The following STAB2 variants were observed in gnomAD, a reference collection of about 807,000 sequenced individuals.
The protein encoded by STAB2 is stabilin 2.
In STAB2, 288 loss-of-function variants were observed where a neutral mutation model predicts 338.1. The observed-to-expected ratio is 0.85, with a 90% CI of 0.77 to 0.94. STAB2 has a LOEUF of 0.94. STAB2 is among the 40% of genes least tolerant of loss of function. The pLI is 0.00. For synonymous variants in STAB2, 1,202 were observed against 1,193.3 expected, an observed-to-expected ratio of 1.01 and a Z score of -0.15; for missense variants, 3,141 against 3,210.1, an observed-to-expected ratio of 0.98 and a Z score of 0.52.
intron 9 of STAB2, among the ~76,000 whole-genome samples, chr12:103,641,488 A>G (rs891348467): frequency 6.6e-6 from 1 of 152,188 alleles, no homozygotes; most frequent in African/African-American, 2.4e-5. Context: ...CCTTCAATAC[A>G]TGTGAATGCA....
chr12:103,708,034 C>G (rs1204417419), intron 38 of STAB2, among the ~76,000 whole-genome samples: 1 of 152,144 alleles, frequency 6.6e-6, no homozygotes, highest in Non-Finnish European at 1.5e-5. Context: ...GAAGCAGTGC[C>G]ACACCAGGCT....
At position 103,631,799 on chromosome 12, in the gene STAB2, C is replaced by G. The variant is rs1414844706; in HGVS notation, c.583+106C>G. 4 of 999,276 alleles carry G rather than the reference C, an allele frequency of 4.0e-6. No homozygotes were observed. In the African/African-American group the frequency reaches 6.5e-5, roughly 16 times the overall value. 61.9% of individuals were successfully genotyped at this position (999,276 alleles called of 1,614,324 possible). ...GGTTCTCTGCAGGGGCAAGGTACTACCAAAAGTTTTCTGGAAAGAAACTAG... is the reference window on the plus strand; with the variant it reads ...GGTTCTCTGCAGGGGCAAGGTACTAGCAAAAGTTTTCTGGAAAGAAACTAG... On this transcript the variant is annotated intron_variant, in intron 6 of 68. Transcript: ENST00000388887.
In STAB2 at chr12:103,695,764, GCTGCCGATGC is replaced by G. The variant is rs1338679740; in HGVS notation, c.3505_3514del (p.Ala1169ThrfsTer23). 31 of 1,613,986 alleles carry G rather than the reference GCTGCCGATGC, an allele frequency of 1.9e-5. No individual in the cohort carries two copies. The highest frequency in any genetic ancestry group is 2.5e-5 in the Non-Finnish European group (30 of 1,179,990). On this transcript the variant is annotated frameshift_variant, in exon 33 of 69. Transcript: ENST00000388887. LOFTEE classifies it high-confidence loss of function. ...ATATAATCTGGCGAATGCAATTGAG[GCTGCCGATGC>G]CTACACAGTGTTTGCTCCAAACAAC... is the stretch of plus-strand genomic sequence containing the variant.
At position 103,713,769 on chromosome 12, in the gene STAB2, G is replaced by A; in HGVS notation, c.4537+1G>A. ...ACGGGTGATGGCATTGTGTGCCTGG[G>A]TAGGTGTCCTTCCCTCTTCCATCGG... is the stretch of plus-strand genomic sequence containing the variant. On this transcript the variant is annotated splice_donor_variant, in intron 42 of 68. Transcript: ENST00000388887. LOFTEE classifies it high-confidence loss of function. 1.2e-6 allele frequency: 2 copies of A among 1,613,688 alleles called. No individual in the cohort carries two copies. Among genetic ancestry groups the A allele is most frequent in the Non-Finnish European group, 1.7e-6 (2 of 1,179,738 alleles).
At chr12:103,616,155 C>T (rs1957207657) in intron 3 of STAB2, among the ~76,000 whole-genome samples, 1 of 152,172 alleles carries the variant, frequency 6.6e-6, no homozygotes, top group Admixed American at 6.5e-5. Flanking sequence ...TTCCTAAACA[C>T]AAGGTCACAC....
At chr12:103,664,404 A>G (rs1392295383) in intron 18 of STAB2, among the ~76,000 whole-genome samples, 1 of 152,184 alleles carries the variant, frequency 6.6e-6, no homozygotes, top group African/African-American at 2.4e-5. Flanking sequence ...TCGGCCTCCC[A>G]AAGTGGTGGG....
intron 10 of STAB2, among the ~76,000 whole-genome samples, chr12:103,649,052 G>A (rs1250337034): frequency 1.3e-5 from 2 of 152,202 alleles, no homozygotes. Flanking sequence ...GCAGAGAGCT[G>A]AGGACAGGGT....
At chr12:103,630,022 T>C (rs1460000478) in intron 5 of STAB2, among the ~76,000 whole-genome samples, 3 of 152,056 alleles carry the variant, frequency 2.0e-5, no homozygotes, top group African/African-American at 7.2e-5. Context: ...CAGGTTGGAG[T>C]GGCCATTGTT....
chr12:103,664,120 T>TTTGTTTTGTTTTGTTTTGTTTTG (rs1874862409), intron 18 of STAB2, among the ~76,000 whole-genome samples: 1 of 152,000 alleles, frequency 6.6e-6, no homozygotes, highest in Non-Finnish European at 1.5e-5. Flanking sequence ...CCAGTTTTGT[T>TTTGTTTTGTTTTGTTTTGTTTTG]TTGTTTTGTT....
At chr12:103,658,371 T>G in intron 15 of STAB2, among the ~76,000 whole-genome samples, 1 of 151,902 alleles carries the variant, frequency 6.6e-6, no homozygotes, top group South Asian at 2.1e-4. Context: ...CACACTGGAG[T>G]GAATTCGAAC....
In STAB2 at chr12:103,761,291, T is replaced by C. The variant is rs1453327439; in HGVS notation, c.7249-9T>C. ...GTAAAAGCCATCAACCCTCTTCTCA[T>C]TTCCCTAGACGGAGACCAGGTTTGT... On this transcript the variant is annotated splice_polypyrimidine_tract_variant and intron_variant, in intron 65 of 68. Coordinates refer to ENST00000388887, the MANE Select transcript of STAB2 (RefSeq NM_017564.10). 6.2e-7 allele frequency: 1 copy of C among 1,613,468 alleles called. No individual in the cohort carries two copies. Among genetic ancestry groups the C allele is most frequent in the African/African-American group, 1.3e-5 (1 of 74,882 alleles).
chr12:103,737,700 G>A lies in STAB2; in HGVS notation c.5617G>A (p.Val1873Met). 6.2e-7 allele frequency: 1 copy of A among 1,612,136 alleles called. No homozygotes were observed. The highest frequency in any genetic ancestry group is 2.2e-5 in the East Asian group (1 of 44,732). Residue 1873 changes from valine (V) to methionine (M), a missense_variant, in exon 53 of 69, where the codon GTG becomes ATG. Coordinates refer to ENST00000388887, the MANE Select transcript of STAB2 (RefSeq NM_017564.10). ...VQRELLFDLG[V>M]AYGIDCLLID... ...GCGGGAGCTCTTGTTTGACCTGGGT[G>A]TGGCCTACGGCATTGACTGTCTGCT...
chr12:103,663,408 G>T (rs935302682), intron 18 of STAB2, among the ~76,000 whole-genome samples: 1 of 72,004 alleles, frequency 1.4e-5, no homozygotes, highest in African/African-American at 3.6e-5. Flanking sequence ...GATTCTGGGG[G>T]CTCCAACAAT....
chr12:103,709,720 T>C (rs1308471433), intron 39 of STAB2, among the ~76,000 whole-genome samples: 2 of 152,186 alleles, frequency 1.3e-5, no homozygotes, highest in Non-Finnish European at 2.9e-5. Flanking sequence ...GAAGTCTGAA[T>C]GGTCCCAAGC....
rs1334190864 is a variant in STAB2, at chr12:103,761,349, T to C, written c.7298T>C (p.Phe2433Ser). ...DGRAILQWDI[F>S]ASNGIIHVIS... ...AGAGCCATTCTGCAGTGGGACATCT[T>C]TGCCTCCAATGGGATCATTCATGTC... The change falls in exon 66 of 69, where the codon TTT (phenylalanine) becomes TCT (serine). Residue 2433 changes from phenylalanine (F) to serine (S), a missense_variant. Phe to Ser is a radical substitution (Grantham distance 155). Coordinates refer to ENST00000388887, the MANE Select transcript of STAB2 (RefSeq NM_017564.10). 6.2e-7 allele frequency: 1 copy of C among 1,614,102 alleles called. No homozygotes were observed. Among genetic ancestry groups the C allele is most frequent in the Admixed American group, 1.7e-5 (1 of 60,018 alleles).
intron 63 of STAB2, among the ~76,000 whole-genome samples, chr12:103,756,196 G>C (rs1193243955): frequency 2.0e-5 from 3 of 152,200 alleles, no homozygotes; most frequent in Non-Finnish European, 4.4e-5. Flanking sequence ...GAGTCAATTT[G>C]CGTCTTGCAC....
At chr12:103,731,687 T>G in intron 50 of STAB2, 52 bp downstream of exon 50, 1 of 1,539,560 alleles carries the variant, frequency 6.5e-7, no homozygotes, top group Non-Finnish European at 8.9e-7. Flanking sequence ...AAAGAAGTTT[T>G]GTTTTGTTTG....
chr12:103,715,290 A>G (rs541237757), intron 42 of STAB2, among the ~76,000 whole-genome samples: 51 of 152,044 alleles, frequency 3.4e-4, no homozygotes, highest in African/African-American at 1.2e-3. Context: ...AGGTGCTGTG[A>G]TGTTTCCATT....
chr12:103,687,484 C>T (rs538990466), intron 27 of STAB2, among the ~76,000 whole-genome samples: 3 of 152,246 alleles, frequency 2.0e-5, no homozygotes, highest in South Asian at 4.2e-4. Context: ...TCTTTCATAT[C>T]TTATAGCTTC....
Sources: gnomAD v4.1 joint callset for allele counts (sites outside exome capture counted in the v4.1 genomes callset) on GRCh38, gnomAD v4.1.1 for gene constraint, MANE v1.5 for transcripts, NCBI Gene and HGNC (gene_info 2026-07-23, HGNC 2026-07-21) for gene names.